The following FLT4 variants were observed in gnomAD, a reference collection of about 807,000 sequenced individuals.
FLT4 encodes the protein fms related receptor tyrosine kinase 4.
In FLT4, 30 loss-of-function variants were observed where a neutral mutation model predicts 163.2. That is an observed-to-expected ratio of 0.18 (90% confidence interval 0.14 to 0.25). The LOEUF (loss-of-function observed/expected upper bound fraction) is 0.25. Ranked by LOEUF, FLT4 falls within the 10% of genes least tolerant of loss-of-function variation. The pLI, the probability that FLT4 is intolerant of heterozygous loss-of-function variation, is 1.00. For synonymous variants in FLT4, 884 were observed against 789.5 expected (o/e 1.12, Z -2.01); for missense variants, 1,510 against 1,863.8 (o/e 0.81, Z 3.50).
chr5:180,619,359 G>A lies in FLT4; in HGVS notation c.2655C>T (p.Ala885=), dbSNP rs1191930393. ...TVAVKMLKEG[A]TASEHRALMS... is the part of the protein sequence containing the mutation. ...TCAGCGCGCGGTGCTCGCTGGCCGT[G>A]GCGCCCTCTGGAGGGGACACGGGCC... The change falls in exon 19 of 30, where the codon GCC becomes GCT. Residue 885 remains alanine (A), a synonymous_variant. Transcript: ENST00000261937. 2 of 1,608,830 alleles carry A rather than the reference G, an allele frequency of 1.2e-6. No individual in the cohort carries two copies. Among genetic ancestry groups the A allele is most frequent in the Non-Finnish European group, 8.5e-7 (1 of 1,178,924 alleles).
At chr5:180,645,630 C>A (rs917131300) in intron 1 of FLT4, among the ~76,000 whole-genome samples, 13 of 152,130 alleles carry the variant, frequency 8.5e-5, no homozygotes, top group African/African-American at 3.1e-4. Flanking sequence ...TGGCCGTGGG[C>A]TAGGGTGGTG....
intron 24 of FLT4, 91 bp downstream of exon 24, chr5:180,613,977 G>T: frequency 1.1e-6 from 1 of 901,344 alleles, no homozygotes; most frequent in Non-Finnish European, 1.9e-6. Context: ...ACCTCCAGGT[G>T]CCCAGTCCCT....
At chr5:180,649,110 G>A (rs1249849095) in intron 1 of FLT4, among the ~76,000 whole-genome samples, 2 of 151,570 alleles carry the variant, frequency 1.3e-5, no homozygotes, top group East Asian at 3.9e-4. Flanking sequence ...GGGTCGGGAC[G>A]GCGCGGCGCG....
Position 180,609,944 on chromosome 5 carries a change from C to G in FLT4, c.3768G>C (p.Glu1256Asp). 6.2e-7 allele frequency: 1 copy of G among 1,614,212 alleles called. No homozygotes were observed. Among genetic ancestry groups the G allele is most frequent in the Non-Finnish European group, 8.5e-7 (1 of 1,180,014 alleles). The change falls in exon 28 of 30, where the codon GAG becomes GAC. Residue 1256 changes from glutamate (E) to aspartate (D), a missense_variant. Transcript: ENST00000261937. ...AGGTCGTTGGGGTCATGGGGAATTC[C>G]TCAAATGTCTTCATCCTGGAGGAAC... ...TRGSSRMKTF[E>D]EFPMTPTTYK...
At chr5:180,648,484 T>C (rs1336110686) in intron 1 of FLT4, among the ~76,000 whole-genome samples, 1 of 152,202 alleles carries the variant, frequency 6.6e-6, no homozygotes, top group East Asian at 1.9e-4. Context: ...TTAATTCCTA[T>C]GGCGTGCAGA....
At chr5:180,619,801 C>T (rs2127809755) in intron 17 of FLT4, 32 bp from the exon 18 acceptor site, 2 of 1,537,926 alleles carry the variant, frequency 1.3e-6, no homozygotes, top group Non-Finnish European at 1.8e-6. Flanking sequence ...TGCAGGTGAG[C>T]TGTACGGGGT....
At chr5:180,629,451 G>A (rs753315687) in intron 6 of FLT4, 24 bp from the exon 7 acceptor site, 22 of 1,608,286 alleles carry the variant, frequency 1.4e-5, no homozygotes, top group Middle Eastern at 2.2e-4. Context: ...GGGAAGCCCC[G>A]CGTCAGCAGG....
intron 26 of FLT4, 75 bp downstream of exon 26, chr5:180,612,431 G>T: frequency 9.2e-7 from 1 of 1,085,830 alleles, no homozygotes; most frequent in Non-Finnish European, 1.4e-6. Context: ...AGATGGGCTT[G>T]GAGGGGCAGC....
chr5:180,604,131 C>T (rs11739750), intron 29 of FLT4, among the ~76,000 whole-genome samples: 22,623 of 152,078 alleles, frequency 0.15, 2,139 homozygotes, highest in Middle Eastern at 0.24. Flanking sequence ...TCGACTCAAA[C>T]AGCAAAGCGG....
intron 28 of FLT4, 88 bp from the exon 29 acceptor site, chr5:180,609,141 T>A: frequency 9.1e-7 from 1 of 1,100,842 alleles, no homozygotes; most frequent in Non-Finnish European, 1.4e-6. Flanking sequence ...TGCGGCATGG[T>A]CCTGCAGCGC....
At chr5:180,607,815 A>C in intron 29 of FLT4, 1 of 447,980 alleles carries the variant, frequency 2.2e-6, no homozygotes, top group Non-Finnish European at 4.0e-6. Flanking sequence ...TTACCAAGGA[A>C]TAACTGGTGG....
At chr5:180,649,390 G>A in intron 1 of FLT4, 98 bp downstream of exon 1, 6 of 817,932 alleles carry the variant, frequency 7.3e-6, no homozygotes, top group South Asian at 2.0e-5. Flanking sequence ...TCCCCCGCCC[G>A]TACCCGGCGG....
At chr5:180,627,511 C>T (rs547504153) in intron 8 of FLT4, among the ~76,000 whole-genome samples, 303 of 152,192 alleles carry the variant, frequency 2.0e-3, no homozygotes, top group Non-Finnish European at 3.3e-3. Flanking sequence ...GGACACACTG[C>T]GGGTGCTTCG....
Position 180,613,015 on chromosome 5 carries a change from C to G in FLT4, c.3427G>C (p.Ala1143Pro). 6.2e-7 allele frequency: 1 copy of G among 1,610,926 alleles called. No individual in the cohort carries two copies. The highest frequency in any genetic ancestry group is 8.5e-7 in the Non-Finnish European group (1 of 1,177,902). Reference protein sequence around the residue: ...RMRAPELATPAIRRIMLNCWS... With the variant: ...RMRAPELATPPIRRIMLNCWS... ...CAGGGCCATGGGGAGGCTCACATGG[C>G]GGGAGTGGCCAGCTCCGGGGCCCTC... Residue 1143 changes from alanine to proline, a missense_variant, in exon 25 of 30, where the codon GCC (alanine) becomes CCC (proline). This residue lies in a region of FLT4 where 295 missense variants were observed against 311.0 expected (regional missense o/e 0.95). Coordinates refer to ENST00000261937, the MANE Select transcript of FLT4 (RefSeq NM_182925.5).
In FLT4 at chr5:180,620,757, TAAGAGC is replaced by T; in HGVS notation, c.2300-48_2300-43del. Reference sequence around the variant, plus strand: ...GGGCCGGCGTGTGTGTGTGTGTGTGTAAGAGCGTGCACCTGCAGGCAGCACCCCTTC... The same window carrying T: ...GGGCCGGCGTGTGTGTGTGTGTGTGTGTGCACCTGCAGGCAGCACCCCTTC... On this transcript the variant is annotated intron_variant, in intron 15 of 29. Transcript: ENST00000261937. This position sits in a 1 kb window ranked among gnomAD's most constrained non-coding sequence, Gnocchi z 4.4. 3 of 1,580,606 alleles carry T rather than the reference TAAGAGC, an allele frequency of 1.9e-6. No individual in the cohort carries two copies. The highest frequency in any genetic ancestry group is 2.6e-6 in the Non-Finnish European group (3 of 1,151,798).
upstream of FLT4, chr5:180,649,736 G>C (rs1039561742): frequency 5.6e-6 from 1 of 178,820 alleles, no homozygotes; most frequent in African/African-American, 2.4e-5. Flanking sequence ...CGGTGCACCC[G>C]AGCAGTGCGC....
intron 22 of FLT4, 134 bp from the exon 23 acceptor site, chr5:180,616,623 G>T (rs1762712388): frequency 5.0e-6 from 5 of 995,050 alleles, no homozygotes; most frequent in Non-Finnish European, 7.6e-6. Flanking sequence ...TTTGGGGAAG[G>T]ATTCCCATCC....
chr5:180,602,399 G>A lies in FLT4; in HGVS notation c.*793C>T, dbSNP rs1022832671. 5.4e-5 allele frequency: 20 copies of A among 368,976 alleles called. No homozygotes were observed. Among genetic ancestry groups the A allele is most frequent in the Non-Finnish European group, 9.2e-5 (19 of 207,612 alleles). 22.9% of individuals were successfully genotyped at this position (368,976 alleles called of 1,614,324 possible). ...TGCTCTGCTGGCCTTGACCTGGGGCGGGGGTCAGAGTCATCTAGACTCAGT... is the reference window on the plus strand; with the variant it reads ...TGCTCTGCTGGCCTTGACCTGGGGCAGGGGTCAGAGTCATCTAGACTCAGT... On this transcript the variant is annotated 3_prime_UTR_variant, in exon 30 of 30. Coordinates refer to ENST00000261937, the MANE Select transcript of FLT4 (RefSeq NM_182925.5).
chr5:180,619,075 G>T lies in FLT4; in HGVS notation c.2796C>A (p.Tyr932Ter). Residue 932 changes from tyrosine (Y) to a stop codon, truncating the protein, a stop_gained, in exon 20 of 30, where the codon TAC becomes TAA. Transcript: ENST00000261937. LOFTEE classifies it high-confidence loss of function. ...PLMVIVEFCKYGNLSNFLRAK... is the reference protein window; with the variant it reads ...PLMVIVEFCK ...CGCGCAGGAAGTTGGAGAGGTTGCC[G>T]TACTTGCAGAACTCCACGATCACCA... 6.4e-7 allele frequency: 1 copy of T among 1,560,778 alleles called. No individual in the cohort carries two copies. The highest frequency in any genetic ancestry group is 8.7e-7 in the Non-Finnish European group (1 of 1,154,434).
Sources: allele counts gnomAD v4.1 joint callset (sites outside exome capture counted in the v4.1 genomes callset), GRCh38; gene constraint gnomAD v4.1.1; regional missense constraint gnomAD v4.1.1; non-coding constraint Gnocchi (gnomAD v3.1); transcripts MANE v1.5; gene names NCBI Gene and HGNC (gene_info 2026-07-23, HGNC 2026-07-21).